Variants in CLCNKB observed in about 807,000 individuals in gnomAD.
CLCNKB encodes the protein chloride voltage-gated channel Kb.
Under a neutral mutation model 83.8 loss-of-function variants are expected in CLCNKB, and 74 were observed. The ratio of observed to expected loss-of-function variants is 0.88; its 90% CI spans 0.73 to 1.07. The LOEUF is 1.07. Ranked by LOEUF, CLCNKB falls within the 50% of genes least tolerant of loss-of-function variation. The probability of loss-of-function intolerance (pLI) is 0.00; values close to 1 mark genes in which losing one functional copy is unlikely to be tolerated. For missense variants in CLCNKB, 798 were observed against 893.6 expected, an observed-to-expected ratio of 0.89 and a Z score of 1.36; for synonymous variants, 358 against 356.6, an observed-to-expected ratio of 1.00 and a Z score of -0.04.
chr1:16,045,791 T>A, intron 3 of CLCNKB, 105 bp downstream of exon 3: 12 of 567,744 alleles, frequency 2.1e-5, no homozygotes, highest in Non-Finnish European at 2.9e-5. Flanking sequence ...GGGGGGGTGC[T>A]CTGGGTGGGG....
At chr1:16,052,699 G>A (rs1183600829) in intron 15 of CLCNKB, among the ~76,000 whole-genome samples, 1 of 152,158 alleles carries the variant, frequency 6.6e-6, no homozygotes, top group African/African-American at 2.4e-5. Context: ...GAGGTGCCGT[G>A]TCTTGCTCCA....
At position 16,045,794 on chromosome 1, in the gene CLCNKB, G is replaced by A. The variant is rs1288913093; in HGVS notation, c.229+108G>A. 13 of 1,086,406 alleles carry A rather than the reference G, an allele frequency of 1.2e-5. 1 individual carries two copies. In the Middle Eastern group the frequency reaches 1.0e-3, roughly 85 times the overall value. The allele number at this position is 1,086,406 out of a possible 1,614,324, so 67.3% of individuals were successfully genotyped here. On this transcript the variant is annotated intron_variant, in intron 3 of 19. Coordinates refer to ENST00000375679, the MANE Select transcript of CLCNKB (RefSeq NM_000085.5). ...CAGCGGAGGTTGGGGGGGGTGCTCT[G>A]GGTGGGGATCTGGTCCTGGCTTTAC...
chr1:16,049,674 C>G lies in CLCNKB; in HGVS notation c.838C>G (p.Pro280Ala), dbSNP rs770438678. The change falls in exon 9 of 20, where the codon CCT becomes GCT. Residue 280 changes from proline to alanine, a missense_variant. Transcript: ENST00000375679. ...CCGGGTGGACGTTCCCTTCGACCTGCCTGAGATCTTCTTTTTTGTGGCGCT... is the reference window on the plus strand; with the variant it reads ...CCGGGTGGACGTTCCCTTCGACCTGGCTGAGATCTTCTTTTTTGTGGCGCT... ...SFRVDVPFDL[P>A]EIFFFVALGG... The G allele has an allele frequency of 1.4e-5, 22 of 1,611,394 alleles. No homozygotes were observed. Among genetic ancestry groups the G allele is most frequent in the Non-Finnish European group, 1.9e-5 (22 of 1,178,584 alleles).
intron 18 of CLCNKB, 125 bp downstream of exon 18, chr1:16,055,883 C>T (rs1411496807): frequency 1.1e-6 from 1 of 876,880 alleles, no homozygotes; most frequent in Non-Finnish European, 1.9e-6. Flanking sequence ...CTTCCTGCTC[C>T]TCCTGGGCCA....
Position 16,046,536 on chromosome 1 carries a change from G to A in CLCNKB, c.231G>A (p.Ala77=), listed in dbSNP as rs143215915. 3,387 of 1,613,830 alleles carry A rather than the reference G, an allele frequency of 2.1e-3. 18 individuals are homozygous for A. Among genetic ancestry groups the A allele is most frequent in the South Asian group, 3.4e-3 (313 of 91,050 alleles). The change falls in exon 4 of 20, where the codon GCG becomes GCA. Residue 77 remains alanine, a splice_region_variant and synonymous_variant. Coordinates refer to ENST00000375679, the MANE Select transcript of CLCNKB (RefSeq NM_000085.5). ...TCCCTGATACCCGGCTGTCCCCAGC[G>A]CACCAGTGGCTGTACAGGGAGATTG... ...MDLAVESVVR[A]HQWLYREIGD... is the part of the protein sequence containing the mutation.
At chr1:16,048,842 T>G in intron 7 of CLCNKB, 1 of 1,440,558 alleles carries the variant, frequency 6.9e-7, no homozygotes, top group East Asian at 2.5e-5. Flanking sequence ...CCCGTTGGCC[T>G]CTCTGAGCCC....
chr1:16,048,276 G>C lies in CLCNKB; in HGVS notation c.499-67G>C, dbSNP rs1048940498. Reference sequence around the variant, plus strand: ...GGAGGGGGTGTTGGGGGGAAGCCGTGCTGACTCTGGGTGAGACCGTCTCTG... The same window carrying C: ...GGAGGGGGTGTTGGGGGGAAGCCGTCCTGACTCTGGGTGAGACCGTCTCTG... On this transcript the variant is annotated intron_variant, in intron 5 of 19. Coordinates refer to ENST00000375679, the MANE Select transcript of CLCNKB (RefSeq NM_000085.5). 3.8e-6 allele frequency: 6 copies of C among 1,588,744 alleles called. No individual in the cohort carries two copies. The African/African-American group carries it at 8.1e-5, about 21-fold the overall frequency.
At position 16,056,408 on chromosome 1, in the gene CLCNKB, C is replaced by T. The variant is rs1409140686; in HGVS notation, c.1930-14C>T. 3.7e-6 allele frequency: 6 copies of T among 1,613,744 alleles called. No individual in the cohort carries two copies. Among genetic ancestry groups the T allele is most frequent in the South Asian group, 3.3e-5 (3 of 91,066 alleles). ...CCTTCTACCCTCCAGTGTTTCCTAA[C>T]ATCCCCCATCCAGGCACACAACCTC... is the stretch of plus-strand genomic sequence containing the variant. On this transcript the variant is annotated splice_polypyrimidine_tract_variant and intron_variant, in intron 18 of 19. Transcript: ENST00000375679.
chr1:16,055,411 T>C, intron 16 of CLCNKB, 24 bp from the exon 17 acceptor site: 4 of 1,603,528 alleles, frequency 2.5e-6, no homozygotes, highest in Non-Finnish European at 3.4e-6. Flanking sequence ...TGTGCCTCCC[T>C]CTGGCTGTCT....
At chr1:16,055,852 C>A in intron 18 of CLCNKB, 94 bp downstream of exon 18, 1 of 1,164,606 alleles carries the variant, frequency 8.6e-7, no homozygotes, top group East Asian at 2.5e-5. Flanking sequence ...CTCCCAACCC[C>A]GCCCTGCCCG....
At position 16,055,853 on chromosome 1, in the gene CLCNKB, G is replaced by A. The variant is rs555345190; in HGVS notation, c.1929+95G>A. ...CGCTCCAGCCTCCCCTCCCAACCCC[G>A]CCCTGCCCGTCTTATGCTGCTTCCT... On this transcript the variant is annotated intron_variant, in intron 18 of 19. Coordinates refer to ENST00000375679, the MANE Select transcript of CLCNKB (RefSeq NM_000085.5). The A allele has an allele frequency of 9.3e-5, 101 of 1,088,814 alleles. 7 individuals carry two copies. The highest frequency in any genetic ancestry group is 3.8e-5 in the Non-Finnish European group (28 of 737,402). 67.4% of individuals were successfully genotyped at this position (1,088,814 alleles called of 1,614,324 possible).
chr1:16,044,000 GC>G (rs2023011470), intron 1 of CLCNKB, 120 bp downstream of exon 1: 1 of 157,384 alleles, frequency 6.4e-6, no homozygotes, highest in Admixed American at 6.2e-5. Flanking sequence ...CTTCTTCTGG[GC>G]CTGGGGTTTT....
intron 15 of CLCNKB, among the ~76,000 whole-genome samples, chr1:16,053,188 C>A (rs1237208424): frequency 6.6e-6 from 1 of 152,130 alleles, no homozygotes; most frequent in Non-Finnish European, 1.5e-5. Context: ...CCACCATGCC[C>A]AGATTATTTT....
In CLCNKB at chr1:16,055,431, C is replaced by T. The variant is rs1402107309; in HGVS notation, c.1757-4C>T. ...CTCCCTCTGGCTGTCTCTCCACTTG[C>T]CAGAGTCCCAGATCCTGGTGGGCAT... On this transcript the variant is annotated splice_region_variant and splice_polypyrimidine_tract_variant and intron_variant, in intron 16 of 19. Transcript: ENST00000375679. 6.2e-7 allele frequency: 1 copy of T among 1,613,104 alleles called. No homozygotes were observed. Among genetic ancestry groups the T allele is most frequent in the South Asian group, 1.1e-5 (1 of 91,044 alleles).
rs772633176 is a variant in CLCNKB, at chr1:16,048,557, C to A, written c.630C>A (p.Ala210=). Residue 210 remains alanine, a synonymous_variant, in exon 7 of 20, where the codon GCC becomes GCA. Transcript: ENST00000375679. ...TGGCAGCGGCGGCAGTGGGCGTGGC[C>A]ACAGTCTTTGCAGCTCCCTTCAGCG... ...MLVAAAAVGV[A]TVFAAPFSGV... 6.2e-6 allele frequency: 10 copies of A among 1,613,310 alleles called. No homozygotes were observed. The South Asian group carries it at 8.8e-5, about 14-fold the overall frequency.
chr1:16,044,618 C>G, intron 2 of CLCNKB, 26 bp downstream of exon 2: 1 of 1,552,566 alleles, frequency 6.4e-7, no homozygotes. Context: ...TCTTCCCTTC[C>G]CCCTGGAGGA....
chr1:16,050,993 G>A lies in CLCNKB; in HGVS notation c.1172G>A (p.Trp391Ter), dbSNP rs778485688. The A allele has an allele frequency of 2.3e-5, 37 of 1,613,924 alleles. No homozygotes were observed. Among genetic ancestry groups the A allele is most frequent in the East Asian group, 4.5e-5 (2 of 44,892 alleles). ...ELDPQHLWWE[W>*]YHPRFTIFGT... ...GACCCCCAGCACCTGTGGTGGGAATGGTACCACCCGCGGTTCACCATCTTT... is the reference window on the plus strand; with the variant it reads ...GACCCCCAGCACCTGTGGTGGGAATAGTACCACCCGCGGTTCACCATCTTT... Residue 391 changes from tryptophan (W) to a stop codon, truncating the protein, a stop_gained, in exon 12 of 20, where the codon TGG (tryptophan) becomes TAG (stop). Transcript: ENST00000375679. LOFTEE classifies it high-confidence loss of function.
chr1:16,056,503 G>T lies in CLCNKB; in HGVS notation c.2011G>T (p.Val671Leu). ...RGRAVGCVSW[V>L]EMKKAISNLT... ...CAGAGCTGTGGGCTGCGTGTCCTGG[G>T]TGGAGGTACCAGGGTCCCGGGGGCA... Residue 671 changes from valine (V) to leucine (L), a missense_variant, in exon 19 of 20, where the codon GTG becomes TTG. Physicochemically the swap from Val to Leu is conservative, Grantham distance 32. Coordinates refer to ENST00000375679, the MANE Select transcript of CLCNKB (RefSeq NM_000085.5). 1.2e-6 allele frequency: 2 copies of T among 1,612,730 alleles called. No individual in the cohort carries two copies. Among genetic ancestry groups the T allele is most frequent in the Non-Finnish European group, 1.7e-6 (2 of 1,179,592 alleles).
intron 19 of CLCNKB, 141 bp from the exon 20 acceptor site, chr1:16,056,728 A>G (rs1211539817): frequency 1.1e-6 from 1 of 937,060 alleles, no homozygotes; most frequent in Non-Finnish European, 1.7e-6. Flanking sequence ...TCTCGGCCTC[A>G]GTGATCCCAT....
Sources: gnomAD v4.1 joint callset for allele counts (sites outside exome capture counted in the v4.1 genomes callset) on GRCh38, gnomAD v4.1.1 for gene constraint, MANE v1.5 for transcripts, NCBI Gene and HGNC (gene_info 2026-07-23, HGNC 2026-07-21) for gene names.